Variants in CTNND2 observed in about 807,000 individuals in gnomAD.
CTNND2 encodes the protein catenin delta 2.
CTNND2 carries 22 observed loss-of-function variants against 144.4 expected under a neutral mutation model. That is an observed-to-expected ratio of 0.15 (90% confidence interval 0.11 to 0.22). CTNND2 has a LOEUF of 0.22. CTNND2 is among the 10% of genes least tolerant of loss of function. CTNND2 has a pLI of 1.00. For synonymous variants in CTNND2, 751 were observed against 695.6 expected, an observed-to-expected ratio of 1.08 and a Z score of -1.25; for missense variants, 1,353 against 1,618.8, an observed-to-expected ratio of 0.84 and a Z score of 2.82.
Position 11,732,200 on chromosome 5 carries a change from G to C in CTNND2, c.110C>G (p.Thr37Ser), listed in dbSNP as rs758691725. The C allele has an allele frequency of 1.2e-6, 2 of 1,614,038 alleles. No individual in the cohort carries two copies. Among genetic ancestry groups the C allele is most frequent in the Admixed American group, 3.3e-5 (2 of 60,010 alleles). The part of the protein sequence containing the change: ...KTSSLSPGLN[T>S]SNGDGSETET... Reference sequence around the variant, plus strand: ...TGTTTCAGAGCCATCCCCGTTGGAGGTGTTTAAGCCGGGGCTCAGGGAACT... The same window carrying C: ...TGTTTCAGAGCCATCCCCGTTGGAGCTGTTTAAGCCGGGGCTCAGGGAACT... Residue 37 changes from threonine (T) to serine (S), a missense_variant, in exon 2 of 22, where the codon ACC (threonine) becomes AGC (serine). Transcript: ENST00000304623.
intron 3 of CTNND2, among the ~76,000 whole-genome samples, chr5:11,441,868 G>C (rs140813813): frequency 6.6e-6 from 1 of 152,060 alleles, no homozygotes; most frequent in Non-Finnish European, 1.5e-5. Context: ...GCTTCCATTA[G>C]CATAAACCCG....
chr5:11,869,662 C>CA (rs1162581196), intron 1 of CTNND2, among the ~76,000 whole-genome samples: 1 of 152,202 alleles, frequency 6.6e-6, no homozygotes, highest in Admixed American at 6.5e-5. Context: ...GACGGTTGCA[C>CA]AGCATCATCA....
intron 1 of CTNND2, among the ~76,000 whole-genome samples, chr5:11,746,712 A>T (rs1788335722): frequency 1.3e-5 from 2 of 152,166 alleles, no homozygotes; most frequent in African/African-American, 4.8e-5. Context: ...ATTGGGTCTT[A>T]TTCATATTTA....
intron 1 of CTNND2, among the ~76,000 whole-genome samples, chr5:11,858,783 G>T (rs1471790177): frequency 2.6e-5 from 4 of 152,138 alleles, no homozygotes. Flanking sequence ...CAAAAAATTA[G>T]CTGGGCATGG....
At chr5:11,492,505 A>ATATG (rs1269279870) in intron 3 of CTNND2, among the ~76,000 whole-genome samples, 13 of 140,358 alleles carry the variant, frequency 9.3e-5, no homozygotes, top group South Asian at 6.8e-4. Context: ...ATATATATAT[A>ATATG]TGTGTGTGTG....
chr5:11,206,037 G>A (rs1187752592), intron 10 of CTNND2, among the ~76,000 whole-genome samples: 1 of 152,150 alleles, frequency 6.6e-6, no homozygotes, highest in Non-Finnish European at 1.5e-5. Context: ...AAAGTACTCA[G>A]TAAACATTAT....
chr5:11,769,938 T>A (rs1363124372), intron 1 of CTNND2, among the ~76,000 whole-genome samples: 2 of 152,196 alleles, frequency 1.3e-5, no homozygotes, highest in Non-Finnish European at 2.9e-5. Flanking sequence ...AACTTGAAAA[T>A]ATGTTAGCAG....
chr5:11,230,346 A>G (rs1351001142), intron 10 of CTNND2, among the ~76,000 whole-genome samples: 1 of 112,512 alleles, frequency 8.9e-6, no homozygotes, highest in Admixed American at 9.5e-5. Flanking sequence ...GTGCACATGT[A>G]CCCTAAAACT....
intron 2 of CTNND2, among the ~76,000 whole-genome samples, chr5:11,690,779 TCTATG>T (rs1333499370): frequency 3.9e-5 from 4 of 101,918 alleles, no homozygotes; most frequent in South Asian, 3.7e-4. Context: ...AAAAAAGAAA[TCTATG>T]CTTTCAGCAA....
chr5:11,346,658 A>G (rs1472612517), intron 8 of CTNND2, 31 bp from the exon 9 acceptor site: 3 of 1,431,508 alleles, frequency 2.1e-6, no homozygotes, highest in Non-Finnish European at 2.7e-6. Context: ...CAAAGTAAAA[A>G]ATTGAGGACC....
chr5:11,237,984 G>C (rs1741824746), intron 9 of CTNND2, among the ~76,000 whole-genome samples: 1 of 152,108 alleles, frequency 6.6e-6, no homozygotes, highest in African/African-American at 2.4e-5. Flanking sequence ...TACATTTTAT[G>C]CATTGCACTT....
chr5:11,099,225 T>C (rs1473111680), intron 14 of CTNND2, among the ~76,000 whole-genome samples: 1 of 152,226 alleles, frequency 6.6e-6, no homozygotes, highest in African/African-American at 2.4e-5. Flanking sequence ...ATTTGTTACA[T>C]GTATACAAAT....
At chr5:11,191,557 T>A in intron 11 of CTNND2, among the ~76,000 whole-genome samples, 1 of 152,196 alleles carries the variant, frequency 6.6e-6, no homozygotes, top group Non-Finnish European at 1.5e-5. Context: ...GTTGAGACTG[T>A]CCATGGAGAC....
In CTNND2 at chr5:11,034,368, G is replaced by A. The variant is rs138654088; in HGVS notation, c.2789-11389C>T. ...ATAACTGCTGTTTCATGAAGGAGTC[G>A]CTCTTCTTCACCTTAGGGAATTCCA... On this transcript the variant is annotated intron_variant, in intron 16 of 21. Coordinates refer to ENST00000304623, the MANE Select transcript of CTNND2 (RefSeq NM_001332.4). Among the ~76,000 whole-genome samples, 501 of 152,212 alleles carry A rather than the reference G, an allele frequency of 3.3e-3. 3 individuals carry two copies. Among genetic ancestry groups the A allele is most frequent in the African/African-American group, 0.011 (464 of 41,536 alleles).
intron 10 of CTNND2, among the ~76,000 whole-genome samples, chr5:11,222,626 G>C (rs896758606): frequency 9.9e-5 from 15 of 151,992 alleles, no homozygotes; most frequent in African/African-American, 3.6e-4. Context: ...GGTAACATAG[G>C]GAGACCCTGT....
rs190558664 is a variant in CTNND2, at chr5:11,054,354, A to C, written c.2788+28342T>G. Among the ~76,000 whole-genome samples, 33 of 152,356 alleles carry C rather than the reference A, an allele frequency of 2.2e-4. 1 individual carries two copies. The highest frequency in any genetic ancestry group is 1.5e-4 in the Non-Finnish European group (10 of 68,034). ...AAGACACAAAGGCACAGAGACAGAA[A>C]GTAACTTGCCCAAGGGAGTCAAGCT... On this transcript the variant is annotated intron_variant, in intron 16 of 21. Transcript: ENST00000304623.
At chr5:11,257,021 A>G (rs1406924087) in intron 9 of CTNND2, among the ~76,000 whole-genome samples, 1 of 152,258 alleles carries the variant, frequency 6.6e-6, no homozygotes, top group Non-Finnish European at 1.5e-5. Flanking sequence ...TCTCTGGTTG[A>G]GAATTACTGA....
At chr5:11,111,488 C>T (rs369536563) in intron 13 of CTNND2, among the ~76,000 whole-genome samples, 7 of 152,132 alleles carry the variant, frequency 4.6e-5, no homozygotes, top group African/African-American at 9.7e-5. Flanking sequence ...GAGCATTTTC[C>T]GAGTGTCAAG....
intron 11 of CTNND2, among the ~76,000 whole-genome samples, chr5:11,177,104 T>C (rs1760550776): frequency 6.6e-6 from 1 of 152,230 alleles, no homozygotes; most frequent in East Asian, 1.9e-4. Flanking sequence ...TTGAATGTTA[T>C]GAACAGATGG....
Sources: gnomAD v4.1 joint callset for allele counts (sites outside exome capture counted in the v4.1 genomes callset) on GRCh38, gnomAD v4.1.1 for gene constraint, MANE v1.5 for transcripts, NCBI Gene and HGNC (gene_info 2026-07-23, HGNC 2026-07-21) for gene names.